ST6GALNAC3: variants seen among roughly 807,000 people sequenced by gnomAD.
ST6GALNAC3 encodes alpha-N-acetylgalactosaminide alpha-2,6-sialyltransferase 3.
Under a neutral mutation model 32.7 loss-of-function variants are expected in ST6GALNAC3, and 25 were observed. The ratio of observed to expected loss-of-function variants is 0.76; its 90% confidence interval spans 0.56 to 1.07. The LOEUF (loss-of-function observed/expected upper bound fraction) is 1.07, where lower values mean the gene tolerates loss of function less well. Ranked by LOEUF, ST6GALNAC3 falls within the 50% of genes least tolerant of loss-of-function variation. The pLI is 0.00. For missense variants in ST6GALNAC3, 355 were observed against 382.4 expected, an observed-to-expected ratio of 0.93 and a Z score of 0.60; for synonymous variants, 129 against 133.1, an observed-to-expected ratio of 0.97 and a Z score of 0.21.
intron 2 of ST6GALNAC3, among the ~76,000 whole-genome samples, chr1:76,349,177 T>C (rs1286465685): frequency 6.6e-6 from 1 of 152,294 alleles, no homozygotes; most frequent in East Asian, 1.9e-4. Context: ...TAGACTCTCA[T>C]AGGGAAATTC....
At chr1:76,311,299 A>T (rs928210899) in intron 1 of ST6GALNAC3, among the ~76,000 whole-genome samples, 1 of 149,626 alleles carries the variant, frequency 6.7e-6, no homozygotes, top group East Asian at 2.0e-4. Flanking sequence ...AAAAAATTAT[A>T]CTTTAAGTTC....
intron 3 of ST6GALNAC3, among the ~76,000 whole-genome samples, chr1:76,618,138 C>T (rs780136410): frequency 2.0e-5 from 3 of 152,210 alleles, no homozygotes; most frequent in South Asian, 2.1e-4. Context: ...AAAGACCCTA[C>T]GCCTACCTAG....
chr1:76,196,207 C>T (rs968253507), intron 1 of ST6GALNAC3, among the ~76,000 whole-genome samples: 2 of 152,108 alleles, frequency 1.3e-5, no homozygotes, highest in African/African-American at 4.8e-5. Flanking sequence ...AGCAGCTGTT[C>T]TTACACTTCA....
intron 3 of ST6GALNAC3, among the ~76,000 whole-genome samples, chr1:76,465,063 A>G (rs546470698): frequency 6.6e-6 from 1 of 152,344 alleles, no homozygotes; most frequent in South Asian, 2.1e-4. Context: ...TTCTCTTCCA[A>G]TAGAAACAGA....
rs1649193516 is a variant in ST6GALNAC3, at chr1:76,629,716, A to G, written c.*910A>G. The G allele has an allele frequency of 1.0e-6, 1 of 984,784 alleles. No homozygotes were observed. 61.0% of individuals were successfully genotyped at this position (984,784 alleles called of 1,614,324 possible). On this transcript the variant is annotated 3_prime_UTR_variant, in exon 5 of 5. Transcript: ENST00000328299. Reference sequence around the variant, plus strand: ...TCAACATCCAACAACACAAAACTATATGATTTTTAAAATCATGAAATAGAG... The same window carrying G: ...TCAACATCCAACAACACAAAACTATGTGATTTTTAAAATCATGAAATAGAG...
chr1:76,285,474 C>A (rs569156932), intron 1 of ST6GALNAC3, among the ~76,000 whole-genome samples: 2 of 151,656 alleles, frequency 1.3e-5, no homozygotes, highest in Admixed American at 6.6e-5. Flanking sequence ...GGGGCCGTGG[C>A]AGTTTTAGGG....
chr1:76,249,589 A>T (rs1657496687), intron 1 of ST6GALNAC3, among the ~76,000 whole-genome samples: 1 of 152,060 alleles, frequency 6.6e-6, no homozygotes. Flanking sequence ...ATTTATGTAC[A>T]GGTTTTGTGT....
In ST6GALNAC3 at chr1:76,076,023, C is replaced by T. The variant is rs551289111; in HGVS notation, c.18+1139C>T. Among the ~76,000 whole-genome samples the T allele has an allele frequency of 6.6e-5, 10 of 152,254 alleles. No individual in the cohort carries two copies. The East Asian group carries it at 7.7e-4, about 12-fold the overall frequency. On this transcript the variant is annotated intron_variant, in intron 1 of 4. Coordinates refer to ENST00000328299, the MANE Select transcript of ST6GALNAC3 (RefSeq NM_152996.4). ...ACTAACCTCGTAGAAGTTGTTTCCC[C>T]TTCTTTGCGTAAAGGAGATCAGAAG...
chr1:76,607,258 T>G (rs1054585393), intron 3 of ST6GALNAC3, among the ~76,000 whole-genome samples: 59 of 152,286 alleles, frequency 3.9e-4, no homozygotes, highest in African/African-American at 1.3e-3. Context: ...TCCAAAACTT[T>G]CACATGTTCA....
intron 3 of ST6GALNAC3, among the ~76,000 whole-genome samples, chr1:76,621,561 C>T (rs999755901): frequency 1.3e-5 from 2 of 151,950 alleles, no homozygotes; most frequent in Non-Finnish European, 2.9e-5. Flanking sequence ...TTCCATAGCT[C>T]CCGACTATTG....
At chr1:76,358,300 A>G (rs1416303346) in intron 2 of ST6GALNAC3, among the ~76,000 whole-genome samples, 1 of 152,034 alleles carries the variant, frequency 6.6e-6, no homozygotes. Context: ...CCAACTACCA[A>G]CTCAACATCT....
At chr1:76,452,249 C>G (rs1657460065) in intron 3 of ST6GALNAC3, among the ~76,000 whole-genome samples, 2 of 152,126 alleles carry the variant, frequency 1.3e-5, no homozygotes, top group South Asian at 4.1e-4. Flanking sequence ...CACAAGCTCT[C>G]TCTTTGACTG....
Position 76,602,829 on chromosome 1 carries a change from T to C in ST6GALNAC3, c.624-24623T>C, listed in dbSNP as rs937294306. Among the ~76,000 whole-genome samples, 5 of 151,366 alleles carry C rather than the reference T, an allele frequency of 3.3e-5. No homozygotes were observed. The South Asian group carries it at 1.0e-3, about 32-fold the overall frequency. On this transcript the variant is annotated intron_variant, in intron 3 of 4. Coordinates refer to ENST00000328299, the MANE Select transcript of ST6GALNAC3 (RefSeq NM_152996.4). The stretch of plus-strand genomic sequence containing the variant: ...ACACACAAGCCACAGTAGGAGGAAA[T>C]AATTATAACACATACAAACAAGAGT...
At chr1:76,127,249 C>A (rs1649312779) in intron 1 of ST6GALNAC3, among the ~76,000 whole-genome samples, 1 of 152,136 alleles carries the variant, frequency 6.6e-6, no homozygotes, top group African/African-American at 2.4e-5. Flanking sequence ...CTGACTGCCT[C>A]TGGGGTTTTT....
downstream of ST6GALNAC3, among the ~76,000 whole-genome samples, chr1:76,636,572 A>G (rs1026263417): frequency 5.9e-5 from 9 of 152,290 alleles, no homozygotes; most frequent in Admixed American, 5.2e-4. Flanking sequence ...ACACCACAAC[A>G]TCACAGGGCA....
chr1:76,507,494 T>C (rs760197574), intron 3 of ST6GALNAC3, among the ~76,000 whole-genome samples: 7 of 152,202 alleles, frequency 4.6e-5, no homozygotes, highest in African/African-American at 7.2e-5. Context: ...TCTGTCTCTA[T>C]AGGTTTGCCT....
chr1:76,607,179 A>G (rs1253337889), intron 3 of ST6GALNAC3, among the ~76,000 whole-genome samples: 1 of 152,170 alleles, frequency 6.6e-6, no homozygotes, highest in African/African-American at 2.4e-5. Context: ...GGAACAGCCA[A>G]ATGGAAGAGA....
intron 3 of ST6GALNAC3, among the ~76,000 whole-genome samples, chr1:76,547,020 C>G (rs1463680761): frequency 1.3e-5 from 2 of 152,150 alleles, no homozygotes; most frequent in African/African-American, 4.8e-5. Context: ...AAAGGAGAGG[C>G]CTGGAAACTA....
At chr1:76,119,123 T>C (rs1032642479) in intron 1 of ST6GALNAC3, among the ~76,000 whole-genome samples, 3 of 152,124 alleles carry the variant, frequency 2.0e-5, no homozygotes, top group Non-Finnish European at 4.4e-5. Flanking sequence ...ACCTGGCCGA[T>C]GGCAAGTTTT....
Sources: allele counts gnomAD v4.1 joint callset (sites outside exome capture counted in the v4.1 genomes callset), GRCh38; gene constraint gnomAD v4.1.1; transcripts MANE v1.5; gene names NCBI Gene and HGNC (gene_info 2026-07-23, HGNC 2026-07-21).